XKR6: variants seen among roughly 807,000 people sequenced by gnomAD.
The protein encoded by XKR6 is XK-related protein 6.
A neutral mutation model predicts 56.7 loss-of-function variants in XKR6; 22 were observed. The observed-to-expected ratio is 0.39, with a 90% CI of 0.28 to 0.55. The LOEUF (loss-of-function observed/expected upper bound fraction) is 0.55, where lower values mean the gene tolerates loss of function less well. Ranked by LOEUF, XKR6 falls within the 20% of genes least tolerant of loss-of-function variation. The pLI is 0.66. For synonymous variants in XKR6, 524 were observed against 387.8 expected, an observed-to-expected ratio of 1.35 and a Z score of -4.13; for missense variants, 852 against 889.0, an observed-to-expected ratio of 0.96 and a Z score of 0.53.
At chr8:11,047,125 T>G (rs1799429631) in intron 1 of XKR6, among the ~76,000 whole-genome samples, 1 of 152,190 alleles carries the variant, frequency 6.6e-6, no homozygotes, top group South Asian at 2.1e-4. Context: ...TGAAATTTAC[T>G]AAGAGAATAG....
At chr8:10,942,866 C>G (rs4841461) in intron 1 of XKR6, among the ~76,000 whole-genome samples, 33,743 of 152,198 alleles carry the variant, frequency 0.22, 5,169 homozygotes, top group African/African-American at 0.43. Flanking sequence ...ATTGCAAGAT[C>G]GCATTCTTGC....
intron 1 of XKR6, among the ~76,000 whole-genome samples, chr8:11,025,944 C>G (rs1798851193): frequency 6.6e-6 from 1 of 152,128 alleles, no homozygotes; most frequent in Non-Finnish European, 1.5e-5. Flanking sequence ...ATATCAAAGA[C>G]CAGATATCAA....
At chr8:11,132,854 G>T (rs539502429) in intron 1 of XKR6, among the ~76,000 whole-genome samples, 1 of 115,182 alleles carries the variant, frequency 8.7e-6, no homozygotes, top group Non-Finnish European at 1.8e-5. Flanking sequence ...TGCTTTGTAT[G>T]ATGTGTGAAA....
chr8:10,985,853 G>A (rs1797851036), intron 1 of XKR6, among the ~76,000 whole-genome samples: 1 of 152,118 alleles, frequency 6.6e-6, no homozygotes, highest in Admixed American at 6.5e-5. Context: ...CGATCCACCT[G>A]CCTTGGACTC....
rs967819588 is a variant in XKR6, at chr8:11,165,282, T to C, written c.764+35294A>G. On this transcript the variant is annotated intron_variant, in intron 1 of 2. Transcript: ENST00000416569. Reference sequence around the variant, plus strand: ...ACCTAGCTAATTTTTGTATTTTTAATAGAGATGGGGTTTCACCATGTTGGC... The same window carrying C: ...ACCTAGCTAATTTTTGTATTTTTAACAGAGATGGGGTTTCACCATGTTGGC... Among the ~76,000 whole-genome samples the C allele has an allele frequency of 5.9e-5, 9 of 151,938 alleles. No individual in the cohort carries two copies. The East Asian group carries it at 9.6e-4, about 16-fold the overall frequency.
intron 1 of XKR6, among the ~76,000 whole-genome samples, chr8:11,115,741 G>A (rs941904920): frequency 1.3e-5 from 2 of 152,134 alleles, no homozygotes; most frequent in African/African-American, 4.8e-5. Flanking sequence ...AAGCTTGTGG[G>A]AGTTATTTGT....
chr8:11,063,917 C>T (rs921457987), intron 1 of XKR6, among the ~76,000 whole-genome samples: 1 of 152,200 alleles, frequency 6.6e-6, no homozygotes, highest in Non-Finnish European at 1.5e-5. Context: ...GAACTTTTTC[C>T]TCAAGCTAAT....
chr8:10,900,638 T>C (rs779570774), intron 2 of XKR6, among the ~76,000 whole-genome samples: 4 of 152,234 alleles, frequency 2.6e-5, no homozygotes, highest in Non-Finnish European at 5.9e-5. Flanking sequence ...TCATGGCAAT[T>C]TTCCTTTTCT....
intron 1 of XKR6, among the ~76,000 whole-genome samples, chr8:11,039,849 G>A (rs778297438): frequency 6.6e-6 from 1 of 152,228 alleles, no homozygotes; most frequent in Non-Finnish European, 1.5e-5. Context: ...ACAGCTCTAC[G>A]AACGCCGGGG....
chr8:11,196,773 G>C (rs1468262363), intron 1 of XKR6, among the ~76,000 whole-genome samples: 1 of 152,228 alleles, frequency 6.6e-6, no homozygotes, highest in Non-Finnish European at 1.5e-5. Flanking sequence ...AGGTCCAGCA[G>C]TGCCTCGGCC....
chr8:11,142,314 A>T (rs531048873), intron 1 of XKR6, among the ~76,000 whole-genome samples: 1 of 150,422 alleles, frequency 6.6e-6, no homozygotes, highest in African/African-American at 2.4e-5. Context: ...ACATCTTGAC[A>T]TACCAGACAG....
intron 1 of XKR6, among the ~76,000 whole-genome samples, chr8:10,981,925 C>T (rs1797744161): frequency 6.6e-6 from 1 of 152,206 alleles, no homozygotes; most frequent in South Asian, 2.1e-4. Context: ...TTAGGAAAAG[C>T]TCATGGCTTG....
chr8:11,061,340 C>A (rs140000960), intron 1 of XKR6, among the ~76,000 whole-genome samples: 2,507 of 152,206 alleles, frequency 0.016, 32 homozygotes, highest in Non-Finnish European at 0.025. Context: ...ATGGTGTGCA[C>A]CTGTAGTCCC....
At chr8:11,063,420 T>C (rs956749548) in intron 1 of XKR6, among the ~76,000 whole-genome samples, 4 of 150,864 alleles carry the variant, frequency 2.7e-5, no homozygotes, top group Admixed American at 2.0e-4. Flanking sequence ...ATCACTTGCA[T>C]CCAGGAGTTG....
At chr8:11,068,167 C>A (rs1010955553) in intron 1 of XKR6, among the ~76,000 whole-genome samples, 3 of 152,214 alleles carry the variant, frequency 2.0e-5, no homozygotes, top group Non-Finnish European at 2.9e-5. Flanking sequence ...GAGTTGGAGA[C>A]TGAGTGCCCA....
At chr8:11,184,990 C>T (rs1286239212) in intron 1 of XKR6, among the ~76,000 whole-genome samples, 1 of 152,172 alleles carries the variant, frequency 6.6e-6, no homozygotes, top group Non-Finnish European at 1.5e-5. Context: ...AATCCATTCC[C>T]AACCGGGCCA....
intron 1 of XKR6, among the ~76,000 whole-genome samples, chr8:10,946,942 A>T (rs987933181): frequency 6.6e-6 from 1 of 152,044 alleles, no homozygotes; most frequent in African/African-American, 2.4e-5. Flanking sequence ...ACAGTTCCAG[A>T]GGGTCAAAAT....
intron 1 of XKR6, among the ~76,000 whole-genome samples, chr8:10,994,616 C>G (rs143545189): frequency 5.3e-5 from 8 of 152,308 alleles, no homozygotes; most frequent in African/African-American, 1.9e-4. Flanking sequence ...TTTCCACACT[C>G]AGGTGTCTCC....
intron 1 of XKR6, among the ~76,000 whole-genome samples, chr8:10,997,695 G>A (rs1281728325): frequency 6.6e-6 from 1 of 152,124 alleles, no homozygotes; most frequent in African/African-American, 2.4e-5. Context: ...TAAAGTGGGA[G>A]GTGCTGGCAA....
Sources: allele counts gnomAD v4.1 joint callset (sites outside exome capture counted in the v4.1 genomes callset), GRCh38; gene constraint gnomAD v4.1.1; transcripts MANE v1.5; gene names NCBI Gene and HGNC (gene_info 2026-07-23, HGNC 2026-07-21).